The following GPLD1 variants were observed in gnomAD, a reference collection of about 807,000 sequenced individuals.
The protein encoded by GPLD1 is glycosylphosphatidylinositol specific phospholipase D1.
GPLD1 carries 84 observed loss-of-function variants against 112.6 expected under a neutral mutation model. The observed-to-expected ratio is 0.75, with a 90% CI of 0.63 to 0.89. GPLD1 has a LOEUF of 0.89. Among genes scored for constraint, GPLD1 ranks in the 40% least tolerant of loss-of-function variants. The probability of loss-of-function intolerance (pLI) is 0.00; values close to 1 mark genes in which losing one functional copy is unlikely to be tolerated. For missense variants in GPLD1, 1,044 were observed against 1,051.5 expected (o/e 0.99, Z 0.10); for synonymous variants, 386 against 403.8 (o/e 0.96, Z 0.53).
intron 5 of GPLD1, among the ~76,000 whole-genome samples, chr6:24,474,866 G>A (rs1763954461): frequency 6.6e-6 from 1 of 151,842 alleles, no homozygotes; most frequent in South Asian, 2.1e-4. Context: ...CTTGAACCAG[G>A]GAGTTGGAGG....
intron 2 of GPLD1, among the ~76,000 whole-genome samples, chr6:24,481,071 C>A (rs2760139): frequency 0.5 from 76,466 of 151,994 alleles, 19,811 homozygotes; most frequent in African/African-American, 0.6. Context: ...TGTATGAGAC[C>A]GTTGAATTTG....
chr6:24,491,944 TAAAG>T (rs769924312), upstream of GPLD1, among the ~76,000 whole-genome samples: 50 of 152,314 alleles, frequency 3.3e-4, no homozygotes, highest in Non-Finnish European at 6.8e-4. Context: ...GATATGACTT[TAAAG>T]AAAGTTAAAA....
chr6:24,456,818 G>C (rs1763283143), intron 12 of GPLD1, among the ~76,000 whole-genome samples, 181 bp from the exon 13 acceptor site: 1 of 152,224 alleles, frequency 6.6e-6, no homozygotes, highest in African/African-American at 2.4e-5. Context: ...AATTAGGATA[G>C]TGAAATCATA....
chr6:24,488,738 A>G (rs1315771856), intron 1 of GPLD1, among the ~76,000 whole-genome samples: 1 of 152,158 alleles, frequency 6.6e-6, no homozygotes, highest in African/African-American at 2.4e-5. Context: ...TTTGTCAATT[A>G]TACATCAATA....
chr6:24,475,847 C>T (rs1763997000), intron 4 of GPLD1, among the ~76,000 whole-genome samples: 1 of 149,444 alleles, frequency 6.7e-6, no homozygotes, highest in African/African-American at 2.5e-5. Context: ...GACAGAGCGA[C>T]ACTCTGTCTG....
At chr6:24,477,997 TA>T (rs1363233670) in intron 3 of GPLD1, among the ~76,000 whole-genome samples, 1 of 152,204 alleles carries the variant, frequency 6.6e-6, no homozygotes, top group African/African-American at 2.4e-5. Context: ...CAAGACTATT[TA>T]TTGCTGCAGA....
intron 5 of GPLD1, among the ~76,000 whole-genome samples, chr6:24,474,072 G>A (rs575665734): frequency 4.3e-4 from 66 of 152,100 alleles, no homozygotes; most frequent in African/African-American, 1.4e-3. Context: ...GTTGCAGTGA[G>A]CCGAGATTGC....
chr6:24,473,786 A>G, intron 5 of GPLD1, 119 bp from the exon 6 acceptor site: 1 of 592,316 alleles, frequency 1.7e-6, no homozygotes. Context: ...GAGGACGCAT[A>G]ATAGACTCAA....
intron 20 of GPLD1, among the ~76,000 whole-genome samples, chr6:24,439,636 A>G (rs891416653): frequency 1.3e-5 from 2 of 152,216 alleles, no homozygotes; most frequent in Non-Finnish European, 2.9e-5. Context: ...CTTCTCAATC[A>G]TGCAAATTAA....
At chr6:24,442,645 T>C (rs2793427) in intron 20 of GPLD1, among the ~76,000 whole-genome samples, 111,450 of 151,404 alleles carry the variant, frequency 0.74, 42,229 homozygotes, top group Non-Finnish European at 0.84. Context: ...AGGGTTTCAC[T>C]GTGTTAGCCA....
chr6:24,458,842 C>T (rs1208495906), intron 12 of GPLD1, among the ~76,000 whole-genome samples: 3 of 151,398 alleles, frequency 2.0e-5, no homozygotes, highest in African/African-American at 7.3e-5. Context: ...GGTACCACTG[C>T]ACTCTAGCTC....
chr6:24,440,301 G>A (rs982098812), intron 20 of GPLD1, among the ~76,000 whole-genome samples: 1 of 152,072 alleles, frequency 6.6e-6, no homozygotes, highest in Non-Finnish European at 1.5e-5. Context: ...CAAAAAGTAG[G>A]GTGTGGTGGC....
intron 7 of GPLD1, among the ~76,000 whole-genome samples, chr6:24,467,940 CTT>C (rs1763671979): frequency 6.6e-6 from 1 of 151,696 alleles, no homozygotes; most frequent in South Asian, 2.1e-4. Flanking sequence ...GAGCTTCGCT[CTT>C]GTTGCCCAGG....
intron 14 of GPLD1, among the ~76,000 whole-genome samples, chr6:24,450,896 T>C (rs1293785132): frequency 6.6e-6 from 1 of 152,036 alleles, no homozygotes; most frequent in Non-Finnish European, 1.5e-5. Flanking sequence ...CGCTTGAACC[T>C]GGGAGGCAGA....
At chr6:24,456,045 T>G (rs1763256437) in intron 13 of GPLD1, among the ~76,000 whole-genome samples, 1 of 152,020 alleles carries the variant, frequency 6.6e-6, no homozygotes, top group South Asian at 2.1e-4. Flanking sequence ...TCAAATAAAT[T>G]AATGCTTTTG....
At chr6:24,455,086 A>C (rs1470542949) in intron 13 of GPLD1, among the ~76,000 whole-genome samples, 1 of 152,252 alleles carries the variant, frequency 6.6e-6, no homozygotes, top group Non-Finnish European at 1.5e-5. Flanking sequence ...CCGAAATCAG[A>C]ACAAACGGCA....
Position 24,431,275 on chromosome 6 carries a change from A to G in GPLD1, c.2436+1912T>C, listed in dbSNP as rs141411095. Among the ~76,000 whole-genome samples, 172 of 152,290 alleles carry G rather than the reference A, an allele frequency of 1.1e-3. 2 individuals are homozygous for G. The highest frequency in any genetic ancestry group is 5.8e-3 in the Admixed American group (88 of 15,298). On this transcript the variant is annotated intron_variant, in intron 24 of 24. Transcript: ENST00000230036. Reference sequence around the variant, plus strand: ...CCTGGTCCACAGGAACCTGGTCCACAGCACTTAACAAGTCTTACAGACCTG... The same window carrying G: ...CCTGGTCCACAGGAACCTGGTCCACGGCACTTAACAAGTCTTACAGACCTG...
intron 12 of GPLD1, among the ~76,000 whole-genome samples, chr6:24,457,297 T>C (rs1763298136): frequency 6.6e-6 from 1 of 151,956 alleles, no homozygotes; most frequent in African/African-American, 2.4e-5. Context: ...CTGGGCAACA[T>C]GGAGAAACCC....
rs573942706 is a variant in GPLD1 at position 24,436,665 on chromosome 6, G to A, written c.2269C>T (p.Arg757Ter). The stretch of plus-strand genomic sequence containing the variant: ...TCTTTGCCATTATATACATATACTC[G>A]GCCGTCTTCTCCCCCAATCAGTCCA... ...TSGLIGGEDG[R>*]VYVYNGKETT... Residue 757 changes from arginine (R) to a stop codon, truncating the protein, a stop_gained, in exon 22 of 25, where the codon CGA (arginine) becomes TGA (stop). Transcript: ENST00000230036. LOFTEE classifies it high-confidence loss of function. The A allele has an allele frequency of 1.2e-5, 20 of 1,613,696 alleles. No homozygotes were observed. Among genetic ancestry groups the A allele is most frequent in the South Asian group, 4.4e-5 (4 of 91,064 alleles).
Sources: gnomAD v4.1 joint callset for allele counts (sites outside exome capture counted in the v4.1 genomes callset) on GRCh38, gnomAD v4.1.1 for gene constraint, MANE v1.5 for transcripts, NCBI Gene and HGNC (gene_info 2026-07-23, HGNC 2026-07-21) for gene names.